The following NRXN3 variants were observed in gnomAD, a reference collection of about 807,000 sequenced individuals.
NRXN3 encodes the protein neurexin 3.
Under a neutral mutation model 137.6 loss-of-function variants are expected in NRXN3, and 32 were observed. The observed-to-expected ratio is 0.23, with a 90% confidence interval of 0.18 to 0.31. NRXN3 has a LOEUF of 0.31. Among genes scored for constraint, NRXN3 ranks in the 10% least tolerant of loss-of-function variants. NRXN3 has a pLI of 1.00. For missense variants in NRXN3, 1,574 were observed against 2,062.5 expected, an observed-to-expected ratio of 0.76 and a Z score of 4.59; for synonymous variants, 798 against 784.5, an observed-to-expected ratio of 1.02 and a Z score of -0.29.
intron 15 of NRXN3, among the ~76,000 whole-genome samples, chr14:79,009,540 C>G (rs962692595): frequency 1.3e-5 from 2 of 152,028 alleles, no homozygotes; most frequent in Non-Finnish European, 2.9e-5. Flanking sequence ...TAGGGAGGTG[C>G]TGTGGGGGAG....
Position 78,660,253 on chromosome 14 carries a change from T to TTATATATATATATATA in NRXN3, c.1221+8935_1221+8950dup, listed in dbSNP as rs373491178. 2.1e-3 allele frequency among the ~76,000 whole-genome samples: 291 copies of TTATATATATATATATA among 139,682 alleles called. 5 individuals carry two copies. In the East Asian group the frequency reaches 0.041, roughly 20 times the overall value. 91.6% of individuals were successfully genotyped at this position (139,682 alleles called of 152,430 possible). ...ATGGGTTGTTGATGAAGAAGTAGAT[T>TTATATATATATATATA]TATATATATATATATATATATATTT... On this transcript the variant is annotated intron_variant, in intron 6 of 20. Coordinates refer to ENST00000335750, the MANE Select transcript of NRXN3 (RefSeq NM_001330195.2).
chr14:79,385,618 T>C (rs1157381017), intron 15 of NRXN3, among the ~76,000 whole-genome samples: 1 of 152,150 alleles, frequency 6.6e-6, no homozygotes, highest in Non-Finnish European at 1.5e-5. Flanking sequence ...GGCTGAGCAC[T>C]CAGACTTGGG....
chr14:78,536,224 T>C (rs1014568692), intron 4 of NRXN3, among the ~76,000 whole-genome samples: 61 of 152,328 alleles, frequency 4.0e-4, no homozygotes, highest in African/African-American at 1.4e-3. Context: ...AATGTCCTCT[T>C]TCCTCAGTGT....
intron 4 of NRXN3, among the ~76,000 whole-genome samples, chr14:78,455,832 G>A (rs1267796989): frequency 1.3e-5 from 2 of 152,162 alleles, no homozygotes; most frequent in Non-Finnish European, 2.9e-5. Context: ...TTGAGCTGCT[G>A]TAGCTCCTCA....
At chr14:79,582,681 A>G (rs542635800) in intron 16 of NRXN3, among the ~76,000 whole-genome samples, 11 of 152,214 alleles carry the variant, frequency 7.2e-5, no homozygotes, top group African/African-American at 2.6e-4. Context: ...AGCCTCCCAA[A>G]GTGCTGGGAT....
At chr14:79,218,717 A>C (rs2068973313) in intron 15 of NRXN3, among the ~76,000 whole-genome samples, 1 of 152,208 alleles carries the variant, frequency 6.6e-6, no homozygotes, top group African/African-American at 2.4e-5. Flanking sequence ...AGATTGGTTT[A>C]TTTGAGAACA....
chr14:79,258,468 G>A (rs1037354747), intron 15 of NRXN3, among the ~76,000 whole-genome samples: 8 of 152,154 alleles, frequency 5.3e-5, no homozygotes, highest in African/African-American at 1.9e-4. Flanking sequence ...GCCTCCCAAA[G>A]TGTTGAGATT....
At chr14:78,237,926 C>G (rs1302678252) in intron 1 of NRXN3, among the ~76,000 whole-genome samples, 1 of 152,136 alleles carries the variant, frequency 6.6e-6, no homozygotes, top group East Asian at 1.9e-4. Context: ...CCCGCAAAGG[C>G]TGGGCACAAG....
intron 4 of NRXN3, among the ~76,000 whole-genome samples, chr14:78,573,859 A>G (rs2096911758): frequency 1.3e-5 from 2 of 152,226 alleles, no homozygotes; most frequent in Non-Finnish European, 2.9e-5. Flanking sequence ...AATCACCAAG[A>G]CAGTGGGGAA....
rs948142440 is a variant in NRXN3 at position 78,882,961 on chromosome 14, T to C, written c.2275+72617T>C. Reference sequence around the variant, plus strand: ...ATGGGAGTGGTTACCCTCATGCTGTTCTCATGATAGTGAGTGAGTTCTCAC... The same window carrying C: ...ATGGGAGTGGTTACCCTCATGCTGTCCTCATGATAGTGAGTGAGTTCTCAC... On this transcript the variant is annotated intron_variant, in intron 10 of 20. Transcript: ENST00000335750. Among the ~76,000 whole-genome samples, 6 of 152,224 alleles carry C rather than the reference T, an allele frequency of 3.9e-5. No individual in the cohort carries two copies. The East Asian group carries it at 1.2e-3, about 29-fold the overall frequency.
At chr14:78,367,303 A>G (rs1026208863) in intron 4 of NRXN3, among the ~76,000 whole-genome samples, 2 of 152,132 alleles carry the variant, frequency 1.3e-5, no homozygotes, top group African/African-American at 4.8e-5. Context: ...GGGACTAGGT[A>G]TGAAAGGAGA....
intron 15 of NRXN3, among the ~76,000 whole-genome samples, chr14:79,325,673 CAAG>C (rs1221671290): frequency 2.6e-5 from 4 of 152,142 alleles, no homozygotes; most frequent in South Asian, 2.1e-4. Context: ...CATGCTTTTT[CAAG>C]AAGGTCTTCT....
intron 20 of NRXN3, among the ~76,000 whole-genome samples, chr14:79,811,285 C>T (rs760551831): frequency 6.6e-6 from 1 of 152,110 alleles, no homozygotes; most frequent in Non-Finnish European, 1.5e-5. Context: ...AGCATTTTAG[C>T]TTTGGAAAGA....
chr14:79,543,617 C>T (rs1783932598), intron 16 of NRXN3, among the ~76,000 whole-genome samples: 1 of 152,128 alleles, frequency 6.6e-6, no homozygotes, highest in Admixed American at 6.5e-5. Flanking sequence ...TTGGCACAGG[C>T]CAGCTGAGAC....
intron 15 of NRXN3, among the ~76,000 whole-genome samples, chr14:79,096,233 G>A (rs972214191): frequency 2.6e-5 from 4 of 151,494 alleles, no homozygotes; most frequent in African/African-American, 9.7e-5. Flanking sequence ...TCAGCCTCCC[G>A]AGTAGCTGGG....
chr14:78,243,268 G>C lies in NRXN3; in HGVS notation c.175G>C (p.Val59Leu). ...SDLSFQFKTNVSTGLLLYLDD... is the reference protein window; with the variant it reads ...SDLSFQFKTNLSTGLLLYLDD... ...CCTGAGTTTCCAGTTCAAGACCAAC[G>C]TCTCTACGGGGCTGCTCCTCTACCT... Residue 59 changes from valine (V) to leucine (L), a missense_variant, in exon 2 of 21, where the codon GTC (valine) becomes CTC (leucine). Physicochemically the swap from Val to Leu is conservative, Grantham distance 32. Transcript: ENST00000335750. This position sits in a 1 kb window ranked among gnomAD's most constrained non-coding sequence, Gnocchi z 4.2. 6.4e-7 allele frequency: 1 copy of C among 1,560,680 alleles called. No homozygotes were observed. Among genetic ancestry groups the C allele is most frequent in the Non-Finnish European group, 8.6e-7 (1 of 1,160,888 alleles).
chr14:78,585,691 A>G lies in NRXN3; in HGVS notation c.758-59429A>G, dbSNP rs76565810. 3.9e-3 allele frequency among the ~76,000 whole-genome samples: 590 copies of G among 152,210 alleles called. 7 individuals carry two copies. The highest frequency in any genetic ancestry group is 0.013 in the African/African-American group (549 of 41,532). ...GGGAGGGGCCAGGGTGACACCAAGCATGTGATTAAGGCCTGAGCACCTGGA... is the reference window on the plus strand; with the variant it reads ...GGGAGGGGCCAGGGTGACACCAAGCGTGTGATTAAGGCCTGAGCACCTGGA... On this transcript the variant is annotated intron_variant, in intron 4 of 20. Transcript: ENST00000335750.
intron 10 of NRXN3, among the ~76,000 whole-genome samples, chr14:78,916,651 G>A (rs188744609): frequency 4.2e-4 from 64 of 152,320 alleles, no homozygotes; most frequent in Admixed American, 4.2e-3. Flanking sequence ...TGTACATGTG[G>A]TGGGGAATTT....
At chr14:79,117,672 A>G (rs2054686703) in intron 15 of NRXN3, among the ~76,000 whole-genome samples, 1 of 151,642 alleles carries the variant, frequency 6.6e-6, no homozygotes, top group African/African-American at 2.4e-5. Flanking sequence ...AGTAGCAAAC[A>G]AGAAAAAGAA....
Sources: allele counts gnomAD v4.1 joint callset (sites outside exome capture counted in the v4.1 genomes callset), GRCh38; gene constraint gnomAD v4.1.1; non-coding constraint Gnocchi (gnomAD v3.1); transcripts MANE v1.5; gene names NCBI Gene and HGNC (gene_info 2026-07-23, HGNC 2026-07-21).